The following CAMK1D variants were observed in gnomAD, a reference collection of about 807,000 sequenced individuals.
CAMK1D encodes the protein calcium/calmodulin dependent protein kinase ID, also known as calcium/calmodulin-dependent protein kinase type 1D.
Under a neutral mutation model 47.7 loss-of-function variants are expected in CAMK1D, and 9 were observed. That is an observed-to-expected ratio of 0.19 (90% CI 0.11 to 0.33). The LOEUF is 0.33. Among genes scored for constraint, CAMK1D ranks in the 10% least tolerant of loss-of-function variants. The pLI is 1.00. For synonymous variants in CAMK1D, 184 were observed against 184.9 expected (o/e 0.99, Z 0.04); for missense variants, 291 against 488.7 (o/e 0.60, Z 3.81).
intron 1 of CAMK1D, among the ~76,000 whole-genome samples, chr10:12,384,122 A>G (rs1164611358): frequency 6.6e-6 from 1 of 152,208 alleles, no homozygotes; most frequent in African/African-American, 2.4e-5. Flanking sequence ...CAATAAGAAT[A>G]AGATATTTAG....
At chr10:12,725,206 G>T (rs1380246072) in intron 3 of CAMK1D, 1 of 154,054 alleles carries the variant, frequency 6.5e-6, no homozygotes, top group South Asian at 2.1e-4. Flanking sequence ...AACAGCAGGG[G>T]CTCTTTGTCA....
intron 2 of CAMK1D, among the ~76,000 whole-genome samples, chr10:12,629,445 A>T (rs1329611442): frequency 6.6e-6 from 1 of 152,224 alleles, no homozygotes; most frequent in African/African-American, 2.4e-5. Context: ...TCCGGTGAAG[A>T]TGCAGAGCTA....
At chr10:12,422,761 C>G (rs1452874941) in intron 1 of CAMK1D, among the ~76,000 whole-genome samples, 3 of 151,988 alleles carry the variant, frequency 2.0e-5, no homozygotes, top group African/African-American at 7.3e-5. Context: ...CAACCTCTGC[C>G]TCCTGGGTTC....
chr10:12,761,070 T>C lies in CAMK1D; in HGVS notation c.422T>C (p.Val141Ala). The C allele has an allele frequency of 6.2e-7, 1 of 1,614,134 alleles. No homozygotes were observed. The highest frequency in any genetic ancestry group is 8.5e-7 in the Non-Finnish European group (1 of 1,179,986). ...TACTATCTCCACAGAATGGGCATCGTCCACAGAGACCTCAAGGTGAGGCCA... is the reference window on the plus strand; with the variant it reads ...TACTATCTCCACAGAATGGGCATCGCCCACAGAGACCTCAAGGTGAGGCCA... ...AVYYLHRMGI[V>A]HRDLKPENLL... The change falls in exon 4 of 11, where the codon GTC becomes GCC. Residue 141 changes from valine to alanine, a missense_variant. This residue lies in a region of CAMK1D where 219 missense variants were observed against 424.3 expected (regional missense o/e 0.52). Transcript: ENST00000619168.
chr10:12,361,587 G>A (rs538337966), intron 1 of CAMK1D, among the ~76,000 whole-genome samples: 5 of 121,380 alleles, frequency 4.1e-5, no homozygotes, highest in African/African-American at 1.6e-4. Context: ...ATGGAGTCTC[G>A]CTCTGTGGCC....
At chr10:12,616,412 C>T (rs1838817909) in intron 2 of CAMK1D, among the ~76,000 whole-genome samples, 1 of 152,192 alleles carries the variant, frequency 6.6e-6, no homozygotes, top group African/African-American at 2.4e-5. Flanking sequence ...CGCATTAAAT[C>T]CTCGAATCAA....
intron 1 of CAMK1D, among the ~76,000 whole-genome samples, chr10:12,400,042 C>G (rs536127801): frequency 6.6e-6 from 1 of 152,042 alleles, no homozygotes; most frequent in Non-Finnish European, 1.5e-5. Flanking sequence ...TTGGCTAATA[C>G]GGCATTCACG....
intron 6 of CAMK1D, among the ~76,000 whole-genome samples, chr10:12,804,937 C>CAAAAAAA (rs145584740): frequency 2.0e-5 from 1 of 51,046 alleles, no homozygotes; most frequent in Non-Finnish European, 3.2e-5. Flanking sequence ...GACCCTGTCT[C>CAAAAAAA]AAAAAAAAAA....
At chr10:12,600,034 G>A (rs1838255307) in intron 2 of CAMK1D, among the ~76,000 whole-genome samples, 1 of 152,220 alleles carries the variant, frequency 6.6e-6, no homozygotes. Flanking sequence ...GAGCTCAGGA[G>A]TTGGAGGCTG....
intron 8 of CAMK1D, among the ~76,000 whole-genome samples, chr10:12,819,022 C>G (rs1180405152): frequency 1.3e-5 from 2 of 152,140 alleles, no homozygotes; most frequent in Non-Finnish European, 2.9e-5. Context: ...AAAATGACCT[C>G]AATAAAAGAG....
At chr10:12,763,151 C>T (rs993462151) in intron 4 of CAMK1D, among the ~76,000 whole-genome samples, 2 of 152,094 alleles carry the variant, frequency 1.3e-5, no homozygotes, top group South Asian at 4.1e-4. Flanking sequence ...CCTGTCGTTA[C>T]GTAAAGAACA....
chr10:12,395,529 G>A (rs1838911465), intron 1 of CAMK1D, among the ~76,000 whole-genome samples: 1 of 152,102 alleles, frequency 6.6e-6, no homozygotes, highest in Admixed American at 6.6e-5. Context: ...ATCATAAAGG[G>A]CCACCAGGAT....
chr10:12,741,075 A>G (rs1336767486), intron 3 of CAMK1D, among the ~76,000 whole-genome samples: 1 of 152,212 alleles, frequency 6.6e-6, no homozygotes, highest in Non-Finnish European at 1.5e-5. Flanking sequence ...ATTCTCCTCT[A>G]TCTGTGACTT....
intron 3 of CAMK1D, chr10:12,760,499 G>A (rs1331611632): frequency 6.3e-6 from 1 of 158,398 alleles, no homozygotes. Context: ...TATATTAGGA[G>A]CAGAACTTGG....
chr10:12,588,242 G>T (rs1837879064), intron 2 of CAMK1D, among the ~76,000 whole-genome samples: 1 of 152,030 alleles, frequency 6.6e-6, no homozygotes, highest in Admixed American at 6.5e-5. Flanking sequence ...TGGTTGGGTG[G>T]GGAGAATTTC....
intron 1 of CAMK1D, among the ~76,000 whole-genome samples, chr10:12,487,049 A>G (rs11257824): frequency 6.6e-6 from 1 of 152,098 alleles, no homozygotes; most frequent in African/African-American, 2.4e-5. Context: ...TCAGGGGTAC[A>G]TGTGTAAGTT....
intron 2 of CAMK1D, among the ~76,000 whole-genome samples, chr10:12,606,604 CCAGGGGTTG>C (rs1838468420): frequency 6.6e-6 from 1 of 152,126 alleles, no homozygotes; most frequent in African/African-American, 2.4e-5. Context: ...ATGCCTAGAA[CCAGGGGTTG>C]CACGTGCTCA....
At chr10:12,414,950 C>T (rs1297908369) in intron 1 of CAMK1D, among the ~76,000 whole-genome samples, 6 of 152,008 alleles carry the variant, frequency 3.9e-5, no homozygotes, top group Admixed American at 3.9e-4. Flanking sequence ...ATTTAACACT[C>T]GTTTGGAATT....
chr10:12,703,584 G>A (rs1246195735), intron 3 of CAMK1D, among the ~76,000 whole-genome samples: 4 of 152,154 alleles, frequency 2.6e-5, no homozygotes, highest in Non-Finnish European at 4.4e-5. Flanking sequence ...ACAAATTTGA[G>A]TGGGCCGGGC....
Sources: gnomAD v4.1 joint callset for allele counts (sites outside exome capture counted in the v4.1 genomes callset) on GRCh38, gnomAD v4.1.1 for gene constraint, gnomAD v4.1.1 regional missense constraint, MANE v1.5 for transcripts, NCBI Gene and HGNC (gene_info 2026-07-23, HGNC 2026-07-21) for gene names.